Variants in TMEM156 observed in about 807,000 individuals in gnomAD.
The protein encoded by TMEM156 is transmembrane protein 156.
A neutral mutation model predicts 30.5 loss-of-function variants in TMEM156; 28 were observed. The ratio of observed to expected loss-of-function variants is 0.92; its 90% CI spans 0.68 to 1.26. The LOEUF (loss-of-function observed/expected upper bound fraction) is 1.26. Among genes scored for constraint, TMEM156 ranks in the 50% most tolerant of loss-of-function variants. TMEM156 has a pLI of 0.00. For missense variants in TMEM156, 351 were observed against 340.6 expected, an observed-to-expected ratio of 1.03 and a Z score of -0.24; for synonymous variants, 137 against 119.9, an observed-to-expected ratio of 1.14 and a Z score of -0.93.
intron 5 of TMEM156, among the ~76,000 whole-genome samples, chr4:38,975,750 T>C (rs1466871976): frequency 6.6e-6 from 1 of 152,122 alleles, no homozygotes; most frequent in Admixed American, 6.5e-5. Flanking sequence ...ACCCCCCTGA[T>C]GTGCAATACT....
chr4:38,996,979 A>G (rs1383677153), intron 2 of TMEM156, among the ~76,000 whole-genome samples: 2 of 152,076 alleles, frequency 1.3e-5, no homozygotes. Flanking sequence ...AAAATGTAAT[A>G]GACATAGCTA....
chr4:38,987,940 T>C lies in TMEM156; in HGVS notation c.739+911A>G, dbSNP rs79889240. ...ATGAATTGTCCATTGGGCCTGATAG[T>C]CATCCATTTTATGCACTGGGGACAT... On this transcript the variant is annotated intron_variant, in intron 4 of 6. Coordinates refer to ENST00000381938, the MANE Select transcript of TMEM156 (RefSeq NM_024943.3). Among the ~76,000 whole-genome samples the C allele has an allele frequency of 7.3e-3, 1,106 of 152,272 alleles. 23 individuals carry two copies. The highest frequency in any genetic ancestry group is 0.025 in the African/African-American group (1,039 of 41,540).
intron 1 of TMEM156, among the ~76,000 whole-genome samples, chr4:39,024,092 G>T (rs2110063251): frequency 6.6e-6 from 1 of 152,326 alleles, no homozygotes; most frequent in Admixed American, 6.5e-5. Context: ...CTGCCATGAA[G>T]TGGCGCCATC....
chr4:39,010,812 A>G (rs1216190278), intron 1 of TMEM156, among the ~76,000 whole-genome samples: 1 of 152,206 alleles, frequency 6.6e-6, no homozygotes, highest in Non-Finnish European at 1.5e-5. Context: ...TAAAAATCCT[A>G]AAAGAAAACC....
chr4:39,024,295 A>G (rs1434272680), intron 1 of TMEM156, among the ~76,000 whole-genome samples: 1 of 152,000 alleles, frequency 6.6e-6, no homozygotes, highest in Non-Finnish European at 1.5e-5. Context: ...TTGGCCTCCC[A>G]AAGTGCTGGG....
chr4:38,987,371 G>T (rs1712080662), intron 4 of TMEM156, among the ~76,000 whole-genome samples: 1 of 152,142 alleles, frequency 6.6e-6, no homozygotes, highest in African/African-American at 2.4e-5. Flanking sequence ...TAGTGAAAAT[G>T]CTCTGAAAAT....
chr4:38,982,649 A>T (rs1349480586), intron 5 of TMEM156, among the ~76,000 whole-genome samples: 1 of 152,198 alleles, frequency 6.6e-6, no homozygotes, highest in Non-Finnish European at 1.5e-5. Flanking sequence ...ATCCACAGAT[A>T]AAAAAGACAG....
intron 5 of TMEM156, among the ~76,000 whole-genome samples, chr4:38,979,558 G>C (rs1025173014): frequency 1.1e-4 from 16 of 152,208 alleles, no homozygotes; most frequent in Non-Finnish European, 2.2e-4. Flanking sequence ...ACAGAATTTA[G>C]TAGGAGCCAT....
intron 1 of TMEM156, among the ~76,000 whole-genome samples, chr4:39,005,743 A>G (rs947686271): frequency 1.3e-5 from 2 of 152,212 alleles, no homozygotes; most frequent in African/African-American, 4.8e-5. Context: ...TTGATGTTAA[A>G]ATAATGCTAC....
intron 1 of TMEM156, among the ~76,000 whole-genome samples, chr4:39,015,620 T>C (rs999399811): frequency 6.6e-6 from 1 of 152,232 alleles, no homozygotes; most frequent in Non-Finnish European, 1.5e-5. Context: ...TGTGAGACAA[T>C]ACATTTGTGT....
At chr4:38,979,531 C>G (rs1012461725) in intron 5 of TMEM156, among the ~76,000 whole-genome samples, 4 of 152,288 alleles carry the variant, frequency 2.6e-5, no homozygotes, top group Middle Eastern at 3.4e-3. Flanking sequence ...CTTTTTAAGC[C>G]CTCCCAGGGG....
intron 1 of TMEM156, among the ~76,000 whole-genome samples, chr4:39,013,936 A>C (rs922895565): frequency 2.0e-5 from 3 of 152,188 alleles, no homozygotes; most frequent in African/African-American, 7.2e-5. Context: ...GGGGTCATTT[A>C]GTAAATGTTT....
intron 1 of TMEM156, among the ~76,000 whole-genome samples, chr4:39,017,972 C>T (rs1452996363): frequency 6.6e-6 from 1 of 152,008 alleles, no homozygotes; most frequent in African/African-American, 2.4e-5. Context: ...GATAGATTTG[C>T]CCATTTACAT....
Position 38,967,537 on chromosome 4 carries a change from A to G in TMEM156, c.*143T>C, listed in dbSNP as rs1722401112. 6.6e-6 allele frequency: 1 copy of G among 152,198 alleles called. No individual in the cohort carries two copies. 9.4% of individuals were successfully genotyped at this position (152,198 alleles called of 1,614,324 possible). A position where few individuals can be genotyped will look rare whatever the true frequency, so the allele number is the denominator to read the frequency against. On this transcript the variant is annotated 3_prime_UTR_variant, in exon 7 of 7. Transcript: ENST00000381938. ...CAGTCAGCATTCCTCCTGCTTTCCA[A>G]CTGTGCATCCTCAGCTGGACACAAA...
intron 3 of TMEM156, among the ~76,000 whole-genome samples, chr4:38,992,742 A>ATATAATATAT (rs1350571457): frequency 2.0e-5 from 1 of 48,950 alleles, no homozygotes; most frequent in African/African-American, 7.2e-5. Context: ...TATAATATAT[A>ATATAATATAT]ATATATTATA....
chr4:38,997,215 T>C (rs559682555), intron 2 of TMEM156, among the ~76,000 whole-genome samples: 1 of 152,308 alleles, frequency 6.6e-6, no homozygotes, highest in Admixed American at 6.5e-5. Context: ...TTCTGTTGCA[T>C]TCAGCCCAGA....
chr4:38,987,657 A>C (rs1226537933), intron 4 of TMEM156, among the ~76,000 whole-genome samples: 1 of 152,168 alleles, frequency 6.6e-6, no homozygotes, highest in African/African-American at 2.4e-5. Context: ...TTTAATGAAA[A>C]CTAATTATGC....
Position 39,032,404 on chromosome 4 carries a change from T to A in TMEM156, c.-91A>T. 1 of 711,540 alleles carries A rather than the reference T, an allele frequency of 1.4e-6. No individual in the cohort carries two copies. The highest frequency in any genetic ancestry group is 2.4e-6 in the Non-Finnish European group (1 of 414,110). 44.1% of individuals were successfully genotyped at this position (711,540 alleles called of 1,614,324 possible). A position where few individuals can be genotyped will look rare whatever the true frequency, so the allele number is the denominator to read the frequency against. Reference sequence around the variant, plus strand: ...AGTTTATCTCTGCAGCACTTTAGGTTAATGCAGTTCACCTCATACTCACTT... The same window carrying A: ...AGTTTATCTCTGCAGCACTTTAGGTAAATGCAGTTCACCTCATACTCACTT... On this transcript the variant is annotated 5_prime_UTR_variant, in exon 1 of 7. Transcript: ENST00000381938.
chr4:38,993,811 G>A lies in TMEM156; in HGVS notation c.546C>T (p.Asn182=). 6.2e-7 allele frequency: 1 copy of A among 1,613,910 alleles called. No homozygotes were observed. Among genetic ancestry groups the A allele is most frequent in the Non-Finnish European group, 8.5e-7 (1 of 1,179,866 alleles). Residue 182 remains asparagine, a synonymous_variant, in exon 3 of 7, where the codon AAC becomes AAT. Coordinates refer to ENST00000381938, the MANE Select transcript of TMEM156 (RefSeq NM_024943.3). ...GGTATTCCATGATTCTACAAGTGTA[G>A]TTTATCGATTTCTCCTTGCTTGGCT... ...EDEPSKEKSI[N]YTCRIMEYPN...
Sources: gnomAD v4.1 joint callset for allele counts (sites outside exome capture counted in the v4.1 genomes callset) on GRCh38, gnomAD v4.1.1 for gene constraint, MANE v1.5 for transcripts, NCBI Gene and HGNC (gene_info 2026-07-23, HGNC 2026-07-21) for gene names.